Variants in CEACAM21 observed in about 807,000 individuals in gnomAD.
The protein encoded by CEACAM21 is cell adhesion molecule CEACAM21.
In CEACAM21, 38 loss-of-function variants were observed where a neutral mutation model predicts 33.2. The ratio of observed to expected loss-of-function variants is 1.14; its 90% CI spans 0.88 to 1.50. The LOEUF (loss-of-function observed/expected upper bound fraction) is 1.50, where lower values mean the gene tolerates loss of function less well. Among genes scored for constraint, CEACAM21 ranks in the 40% most tolerant of loss-of-function variants. The probability of loss-of-function intolerance (pLI) is 0.00; values close to 1 mark genes in which losing one functional copy is unlikely to be tolerated. For missense variants in CEACAM21, 385 were observed against 364.6 expected (o/e 1.06, Z -0.46); for synonymous variants, 156 against 143.0 (o/e 1.09, Z -0.65).
At chr19:41,554,211 C>G (rs1333908158) in intron 1 of CEACAM21, among the ~76,000 whole-genome samples, 1 of 152,024 alleles carries the variant, frequency 6.6e-6, no homozygotes, top group African/African-American at 2.4e-5. Context: ...AACATTTTTC[C>G]TCTCTTCTGA....
upstream of CEACAM21, among the ~76,000 whole-genome samples, chr19:41,572,803 C>A (rs1600225451): frequency 2.6e-5 from 4 of 152,318 alleles, no homozygotes; most frequent in East Asian, 7.7e-4. Context: ...ACATGGCAAG[C>A]ACTGAGGCTT....
intron 1 of CEACAM21, among the ~76,000 whole-genome samples, chr19:41,558,467 G>A (rs920783748): frequency 6.6e-6 from 1 of 152,056 alleles, no homozygotes; most frequent in African/African-American, 2.4e-5. Flanking sequence ...CTAACAGGAC[G>A]AAACCCCATC....
chr19:41,585,324 T>C (rs566647296), intron 4 of CEACAM21, 119 bp from the exon 5 acceptor site: 4 of 1,035,450 alleles, frequency 3.9e-6, no homozygotes, highest in Admixed American at 3.8e-5. Flanking sequence ...CAGAACTCCA[T>C]AAAGAAAGGA....
intron 1 of CEACAM21, among the ~76,000 whole-genome samples, chr19:41,564,215 T>C (rs1175729315): frequency 3.9e-5 from 6 of 152,060 alleles, no homozygotes; most frequent in African/African-American, 1.5e-4. Context: ...CAGCTAGCCC[T>C]GTGGTAACAT....
chr19:41,586,497 TG>T lies in CEACAM21; in HGVS notation c.*36del. 1 of 637,770 alleles carries T rather than the reference TG, an allele frequency of 1.6e-6. No homozygotes were observed. Among genetic ancestry groups the T allele is most frequent in the Non-Finnish European group, 3.0e-6 (1 of 333,854 alleles). 39.5% of individuals were successfully genotyped at this position (637,770 alleles called of 1,614,324 possible). Reference sequence around the variant, plus strand: ...ACACTCTGACACAAACATTTACTGCTGGATCGACCACAAAGCAGATGTGGCT... The same window carrying T: ...ACACTCTGACACAAACATTTACTGCTGATCGACCACAAAGCAGATGTGGCT... On this transcript the variant is annotated 3_prime_UTR_variant, in exon 7 of 7. Transcript: ENST00000401445.
At chr19:41,572,471 CG>C, upstream of CEACAM21, among the ~76,000 whole-genome samples, 1 of 152,248 alleles carries the variant, frequency 6.6e-6, no homozygotes, top group East Asian at 1.9e-4. Flanking sequence ...CCCTGTAAGC[CG>C]GGGGAGAGCT....
rs782402271 is a variant in CEACAM21, at chr19:41,585,542, C to G, written c.850+47C>G. The G allele has an allele frequency of 3.8e-6, 6 of 1,597,322 alleles. No individual in the cohort carries two copies. In the East Asian group the frequency reaches 1.3e-4, roughly 36 times the overall value. On this transcript the variant is annotated intron_variant, in intron 5 of 6. Transcript: ENST00000401445. ...GTGTGGCTGGGAACTACTAAGCCAG[C>G]CCCAAGTTGTCCACTCCTGCCAGTT...
At chr19:41,563,796 AG>A in intron 1 of CEACAM21, among the ~76,000 whole-genome samples, 1 of 152,304 alleles carries the variant, frequency 6.6e-6, no homozygotes, top group Non-Finnish European at 1.5e-5. Flanking sequence ...TCCCTGGACA[AG>A]GGGCTCTCAG....
intron 1 of CEACAM21, among the ~76,000 whole-genome samples, chr19:41,549,768 A>T (rs1555783804): frequency 6.6e-6 from 1 of 151,970 alleles, no homozygotes; most frequent in African/African-American, 2.4e-5. Context: ...TGTTCACTAC[A>T]GCCTCCAACT....
chr19:41,586,799 C>A lies in CEACAM21; in HGVS notation c.*336C>A. 1 of 294,196 alleles carries A rather than the reference C, an allele frequency of 3.4e-6. No homozygotes were observed. The highest frequency in any genetic ancestry group is 6.7e-6 in the Non-Finnish European group (1 of 149,096). The allele number at this position is 294,196 out of a possible 1,614,324, so 18.2% of individuals were successfully genotyped here. ...AAAGTGAATGGGCCTATGGCCCACC[C>A]GGGGTCACCTGGAAAGGATCTGAAT... is the stretch of plus-strand genomic sequence containing the variant. On this transcript the variant is annotated 3_prime_UTR_variant, in exon 7 of 7. Coordinates refer to ENST00000401445, the MANE Select transcript of CEACAM21 (RefSeq NM_001098506.4).
At chr19:41,583,838 G>A (rs146837545) in intron 3 of CEACAM21, among the ~76,000 whole-genome samples, 1 of 152,316 alleles carries the variant, frequency 6.6e-6, no homozygotes, top group East Asian at 1.9e-4. Context: ...CAATGGTGAT[G>A]AACACCAAAT....
At chr19:41,552,070 A>G (rs1204232151) in intron 1 of CEACAM21, 7 of 152,210 alleles carry the variant, frequency 4.6e-5, no homozygotes, top group Non-Finnish European at 7.3e-5. Context: ...GTAAATTACA[A>G]GGTTTTCCAG....
intron 1 of CEACAM21, among the ~76,000 whole-genome samples, chr19:41,558,224 A>G (rs2041658097): frequency 6.6e-6 from 1 of 152,274 alleles, no homozygotes; most frequent in Admixed American, 6.5e-5. Context: ...CATAGCATTT[A>G]AAATTTCTCT....
At chr19:41,578,442 G>A (rs873910) in intron 2 of CEACAM21, among the ~76,000 whole-genome samples, 1 of 151,770 alleles carries the variant, frequency 6.6e-6, no homozygotes, top group South Asian at 2.1e-4. Flanking sequence ...CCATTGACAT[G>A]TACCCCATTT....
At chr19:41,566,507 G>C (rs782499310) in intron 2 of CEACAM21, among the ~76,000 whole-genome samples, 2 of 152,120 alleles carry the variant, frequency 1.3e-5, no homozygotes, top group Non-Finnish European at 2.9e-5. Flanking sequence ...TTGCATTCCT[G>C]ATATAAGCCA....
At chr19:41,571,480 A>C (rs11083628), upstream of CEACAM21, among the ~76,000 whole-genome samples, 1 of 151,858 alleles carries the variant, frequency 6.6e-6, no homozygotes, top group Non-Finnish European at 1.5e-5. Context: ...GTAGACATTG[A>C]AAGAAGAAAA....
At chr19:41,550,839 T>A (rs2041158056) in intron 1 of CEACAM21, 1 of 152,198 alleles carries the variant, frequency 6.6e-6, no homozygotes, top group Admixed American at 6.5e-5. Context: ...AAAATCTTCA[T>A]GAGAACAAAT....
At chr19:41,576,800 G>T (rs117416787) in intron 1 of CEACAM21, among the ~76,000 whole-genome samples, 4 of 152,146 alleles carry the variant, frequency 2.6e-5, no homozygotes, top group Admixed American at 1.3e-4. Flanking sequence ...AATCTCATGG[G>T]GGGGAAGACA....
chr19:41,584,480 A>G (rs1279460736), intron 4 of CEACAM21, 37 bp downstream of exon 4: 1 of 1,550,980 alleles, frequency 6.4e-7, no homozygotes, highest in Non-Finnish European at 8.8e-7. Context: ...CCCATCCTTC[A>G]CGCTGACCCC....
Sources: gnomAD v4.1 joint callset for allele counts (sites outside exome capture counted in the v4.1 genomes callset) on GRCh38, gnomAD v4.1.1 for gene constraint, MANE v1.5 for transcripts, NCBI Gene and HGNC (gene_info 2026-07-23, HGNC 2026-07-21) for gene names.